The following PIK3R1 variants were observed in gnomAD, a reference collection of about 807,000 sequenced individuals.
PIK3R1 encodes the protein phosphoinositide-3-kinase regulatory subunit 1, also known as phosphatidylinositol 3-kinase regulatory subunit alpha.
In PIK3R1, 29 loss-of-function variants were observed where a neutral mutation model predicts 98.0. The observed-to-expected ratio is 0.30, with a 90% CI of 0.22 to 0.40. The LOEUF (loss-of-function observed/expected upper bound fraction) is 0.40, where lower values mean the gene tolerates loss of function less well. Among genes scored for constraint, PIK3R1 ranks in the 10% least tolerant of loss-of-function variants. PIK3R1 has a pLI of 1.00. For synonymous variants in PIK3R1, 282 were observed against 311.8 expected (o/e 0.90, Z 1.01); for missense variants, 596 against 872.7 (o/e 0.68, Z 3.99).
intron 4 of PIK3R1, 94 bp from the exon 5 acceptor site, chr5:68,279,508 T>G (rs2112188522): frequency 1.1e-6 from 1 of 901,286 alleles, no homozygotes; most frequent in South Asian, 1.8e-5. Context: ...TTTTTTTTTT[T>G]TTGTCACATG....
At chr5:68,285,917 A>G (rs920243623) in intron 7 of PIK3R1, among the ~76,000 whole-genome samples, 1 of 152,206 alleles carries the variant, frequency 6.6e-6, no homozygotes, top group Non-Finnish European at 1.5e-5. Context: ...AATTATGAAG[A>G]GAGGTATTCA....
At chr5:68,254,076 G>A (rs1204542269) in intron 2 of PIK3R1, among the ~76,000 whole-genome samples, 1 of 147,082 alleles carries the variant, frequency 6.8e-6, no homozygotes, top group Non-Finnish European at 1.5e-5. Flanking sequence ...GCAAGTAAAT[G>A]TGAGTCTGCA....
chr5:68,301,779 G>C lies in PIK3R1; in HGVS notation c.*4178G>C, dbSNP rs1190175620. The C allele has an allele frequency of 5.9e-6, 1 of 170,092 alleles. No individual in the cohort carries two copies. Among genetic ancestry groups the C allele is most frequent in the Non-Finnish European group, 1.3e-5 (1 of 78,726 alleles). 10.5% of individuals were successfully genotyped at this position (170,092 alleles called of 1,614,324 possible). A position where few individuals can be genotyped will look rare whatever the true frequency, so the allele number is the denominator to read the frequency against. On this transcript the variant is annotated 3_prime_UTR_variant, in exon 16 of 16. Coordinates refer to ENST00000521381, the MANE Select transcript of PIK3R1 (RefSeq NM_181523.3). ...TTGTTTTAAGTTGCTTTAATGCATT[G>C]TATTAGATCTTCAAACAGAATAAAG...
At chr5:68,263,014 T>C (rs1745932515) in intron 2 of PIK3R1, among the ~76,000 whole-genome samples, 1 of 59,022 alleles carries the variant, frequency 1.7e-5, no homozygotes, top group South Asian at 6.2e-4. Flanking sequence ...CATATATACA[T>C]GTAGATACAT....
chr5:68,269,108 T>A (rs189240855), intron 2 of PIK3R1, among the ~76,000 whole-genome samples: 4 of 152,236 alleles, frequency 2.6e-5, no homozygotes, highest in Non-Finnish European at 5.9e-5. Flanking sequence ...TGAATCCTCC[T>A]TTCTTTTGAA....
chr5:68,262,620 T>C (rs1398356614), intron 2 of PIK3R1, among the ~76,000 whole-genome samples: 1 of 144,350 alleles, frequency 6.9e-6, no homozygotes, highest in African/African-American at 2.6e-5. Flanking sequence ...TATACACATG[T>C]AGATGCATGT....
Position 68,294,207 on chromosome 5 carries a change from A to G in PIK3R1, c.1426-329A>G, listed in dbSNP as rs145196950. Among the ~76,000 whole-genome samples the G allele has an allele frequency of 3.0e-3, 464 of 152,362 alleles. 1 individual carries two copies. The highest frequency in any genetic ancestry group is 0.011 in the African/African-American group (443 of 41,592). ...TATCCTACCATGAAAAGGAAGGGCT[A>G]TATACTGCTGTGCTTTTCTAGACCC... On this transcript the variant is annotated intron_variant, in intron 11 of 15. Transcript: ENST00000521381.
intron 4 of PIK3R1, among the ~76,000 whole-genome samples, chr5:68,279,389 C>G (rs574193847): frequency 1.2e-4 from 19 of 152,196 alleles, no homozygotes; most frequent in African/African-American, 4.3e-4. Context: ...GTCAGAGAGA[C>G]CTCCACAGGA....
intron 2 of PIK3R1, among the ~76,000 whole-genome samples, chr5:68,243,556 T>C (rs1480755927): frequency 1.3e-5 from 2 of 152,224 alleles, no homozygotes; most frequent in Non-Finnish European, 2.9e-5. Context: ...TAGTTGCACC[T>C]TTCTTTCTTT....
chr5:68,261,508 A>C (rs936185109), intron 2 of PIK3R1, among the ~76,000 whole-genome samples: 2 of 152,178 alleles, frequency 1.3e-5, no homozygotes, highest in Non-Finnish European at 2.9e-5. Flanking sequence ...TCTTTTAAAA[A>C]AAAAAGTCAC....
chr5:68,249,829 TAGA>T (rs1443793784), intron 2 of PIK3R1, among the ~76,000 whole-genome samples: 1 of 152,156 alleles, frequency 6.6e-6, no homozygotes, highest in African/African-American at 2.4e-5. Flanking sequence ...GTTTTTCAGG[TAGA>T]AGACAGTTGA....
rs759548676 is a variant in PIK3R1 at position 68,279,231 on chromosome 5, G to A, written c.503-371G>A. The stretch of plus-strand genomic sequence containing the variant: ...GGCATTAGGAGTTTGGGCTTAGAGG[G>A]GTGGGACAGAGGATGGGGTAGGTAA... On this transcript the variant is annotated intron_variant, in intron 4 of 15. Coordinates refer to ENST00000521381, the MANE Select transcript of PIK3R1 (RefSeq NM_181523.3). 9.2e-5 allele frequency among the ~76,000 whole-genome samples: 14 copies of A among 152,242 alleles called. No individual in the cohort carries two copies. In the South Asian group the frequency reaches 2.9e-3, roughly 32 times the overall value.
chr5:68,263,100 T>G lies in PIK3R1; in HGVS notation c.335-10290T>G, dbSNP rs907468457. 1.1e-4 allele frequency among the ~76,000 whole-genome samples: 14 copies of G among 133,282 alleles called. 1 individual carries two copies. The highest frequency in any genetic ancestry group is 2.2e-4 in the South Asian group (1 of 4,536). The allele number at this position is 133,282 out of a possible 152,430, so 87.4% of individuals were successfully genotyped here. ...ACATATATACATGTAGATACATGTA[T>G]ATAGATACATACATAGATATATAGA... On this transcript the variant is annotated intron_variant, in intron 2 of 15. Transcript: ENST00000521381.
intron 14 of PIK3R1, 59 bp downstream of exon 14, chr5:68,295,547 TG>T: frequency 7.2e-7 from 1 of 1,390,572 alleles, no homozygotes; most frequent in Non-Finnish European, 1.0e-6. Flanking sequence ...GGAAAATGCA[TG>T]ACTTGCTTTG....
chr5:68,288,512 ACGAGC>A (rs138814985), intron 7 of PIK3R1: 13 of 1,324,284 alleles, frequency 9.8e-6, no homozygotes, highest in Middle Eastern at 2.8e-4. Context: ...GGGCGGAGGG[ACGAGC>A]CGAGCCGAGC....
intron 4 of PIK3R1, among the ~76,000 whole-genome samples, chr5:68,279,001 G>A (rs1746704740): frequency 1.3e-5 from 2 of 152,166 alleles, no homozygotes; most frequent in African/African-American, 2.4e-5. Flanking sequence ...AAAAAAGCAT[G>A]TTTGGTTTCC....
At chr5:68,288,332 A>T in intron 7 of PIK3R1, 1 of 871,188 alleles carries the variant, frequency 1.1e-6, no homozygotes, top group African/African-American at 1.8e-5. Flanking sequence ...AGCTCAGCAA[A>T]TATTTGAACC....
intron 1 of PIK3R1, among the ~76,000 whole-genome samples, chr5:68,219,921 T>C (rs1255520503): frequency 6.6e-6 from 1 of 152,238 alleles, no homozygotes; most frequent in African/African-American, 2.4e-5. Flanking sequence ...GCTTGTTTTC[T>C]CATCTGTAAA....
intron 7 of PIK3R1, among the ~76,000 whole-genome samples, chr5:68,282,204 T>C (rs1746876946): frequency 6.6e-6 from 1 of 152,202 alleles, no homozygotes; most frequent in Non-Finnish European, 1.5e-5. Context: ...AGGTAGGGAC[T>C]AGGACTTCAG....
Sources: gnomAD v4.1 joint callset for allele counts (sites outside exome capture counted in the v4.1 genomes callset) on GRCh38, gnomAD v4.1.1 for gene constraint, MANE v1.5 for transcripts, NCBI Gene and HGNC (gene_info 2026-07-23, HGNC 2026-07-21) for gene names.